LONP2: variants seen among roughly 807,000 people sequenced by gnomAD.
LONP2 encodes the protein lon peptidase 2, peroxisomal.
In LONP2, 60 loss-of-function variants were observed where a neutral mutation model predicts 85.6. That is an observed-to-expected ratio of 0.70 (90% CI 0.57 to 0.87). The LOEUF (loss-of-function observed/expected upper bound fraction) is 0.87. LONP2 is among the 40% of genes least tolerant of loss of function. LONP2 has a pLI of 0.00. For missense variants in LONP2, 860 were observed against 1,063.5 expected (o/e 0.81, Z 2.66); for synonymous variants, 395 against 389.7 (o/e 1.01, Z -0.16).
chr16:48,253,142 A>G (rs16946033), intron 2 of LONP2, among the ~76,000 whole-genome samples: 1,855 of 152,290 alleles, frequency 0.012, 38 homozygotes, highest in African/African-American at 0.042. Flanking sequence ...TTGAAGAGCC[A>G]TACTTACAGT....
chr16:48,279,290 G>A (rs1401400441), intron 8 of LONP2, among the ~76,000 whole-genome samples: 2 of 152,156 alleles, frequency 1.3e-5, no homozygotes, highest in Non-Finnish European at 2.9e-5. Flanking sequence ...TGGAGGCTAT[G>A]AGCATAGGAG....
chr16:48,333,174 G>T (rs923816069), intron 11 of LONP2, among the ~76,000 whole-genome samples: 1 of 151,846 alleles, frequency 6.6e-6, no homozygotes, highest in Non-Finnish European at 1.5e-5. Context: ...CACAGATTAC[G>T]TAATATTTTT....
rs976260380 is a variant in LONP2 at position 48,299,091 on chromosome 16, C to G, written c.1535-571C>G. Among the ~76,000 whole-genome samples the G allele has an allele frequency of 2.6e-5, 4 of 151,216 alleles. No homozygotes were observed. In the South Asian group the frequency reaches 8.4e-4, roughly 32 times the overall value. On this transcript the variant is annotated intron_variant, in intron 9 of 14. Coordinates refer to ENST00000285737, the MANE Select transcript of LONP2 (RefSeq NM_031490.5). ...GTTTTTAGTAGAGACAGGGTTTCGC[C>G]ATGTTGCCCAGGCTGGTCTCAAACT...
In LONP2 at chr16:48,259,667, G is replaced by A. The variant is rs569248394; in HGVS notation, c.723+927G>A. 2.9e-3 allele frequency among the ~76,000 whole-genome samples: 441 copies of A among 152,284 alleles called. 2 individuals are homozygous for A. The highest frequency in any genetic ancestry group is 3.2e-3 in the Non-Finnish European group (220 of 68,016). On this transcript the variant is annotated intron_variant, in intron 4 of 14. Coordinates refer to ENST00000285737, the MANE Select transcript of LONP2 (RefSeq NM_031490.5). ...GAGCAGAAGGGAAGAACTCCTCCCC[G>A]GTGGGACTAGAGAAGGGGCAGTCAA...
chr16:48,316,305 C>T (rs555346976), intron 11 of LONP2, among the ~76,000 whole-genome samples: 118 of 150,438 alleles, frequency 7.8e-4, no homozygotes, highest in African/African-American at 2.8e-3. Context: ...TGAGCCACCG[C>T]GCCCAGCCCA....
intron 7 of LONP2, among the ~76,000 whole-genome samples, chr16:48,270,720 GA>G (rs1309650777): frequency 6.6e-6 from 1 of 152,132 alleles, no homozygotes; most frequent in Non-Finnish European, 1.5e-5. Context: ...TTCCTCTTAT[GA>G]AGGTTGGTTT....
In LONP2 at chr16:48,296,099, A is replaced by G. The variant is rs1172083523; in HGVS notation, c.1468A>G (p.Thr490Ala). The change falls in exon 9 of 15, where the codon ACT becomes GCT. Residue 490 changes from threonine (T) to alanine (A), a missense_variant. By Grantham distance (58) the Thr-to-Ala change is moderately conservative. Around this residue, in one of 3 missense-constraint regions of LONP2, gnomAD observed 743 missense variants for 917.3 expected, o/e 0.81. Transcript: ENST00000285737. ...CCTTTCTCAAGTTCTTTTTATAGCT[A>G]CTGCCAACACCACTGCTACCATTCC... ...FDLSQVLFIA[T>A]ANTTATIPAA... 2 of 1,614,064 alleles carry G rather than the reference A, an allele frequency of 1.2e-6. No homozygotes were observed. The highest frequency in any genetic ancestry group is 1.3e-5 in the African/African-American group (1 of 74,938).
At chr16:48,299,598 A>G in intron 9 of LONP2, 64 bp from the exon 10 acceptor site, 1 of 1,555,920 alleles carries the variant, frequency 6.4e-7, no homozygotes, top group East Asian at 2.3e-5. Context: ...AAAAAACAAA[A>G]AACAAAGCAT....
At chr16:48,259,287 A>T (rs1033477252) in intron 4 of LONP2, among the ~76,000 whole-genome samples, 8 of 152,168 alleles carry the variant, frequency 5.3e-5, no homozygotes, top group South Asian at 2.1e-4. Flanking sequence ...TCTTTAACCC[A>T]TATATTATTT....
chr16:48,329,978 AG>A lies in LONP2; in HGVS notation c.1796-4237del, dbSNP rs111697333. On this transcript the variant is annotated intron_variant, in intron 11 of 14. Transcript: ENST00000285737. ...CCCTAAGGATAGATTGCTGCAAAAA[AG>A]AACCACTGAGTGTGAGACTGTAAAT... is the stretch of plus-strand genomic sequence containing the variant. 6.5e-3 allele frequency among the ~76,000 whole-genome samples: 983 copies of A among 152,376 alleles called. 10 individuals carry two copies. Among genetic ancestry groups the A allele is most frequent in the African/African-American group, 0.022 (934 of 41,586 alleles).
intron 1 of LONP2, 82 bp downstream of exon 1, chr16:48,244,703 G>A (rs1810087780): frequency 1.9e-6 from 2 of 1,034,238 alleles, no homozygotes; most frequent in South Asian, 2.6e-5. Flanking sequence ...CCTGCCTTGA[G>A]CGCGAGGCTC....
At position 48,297,076 on chromosome 16, in the gene LONP2, C is replaced by T. The variant is rs937557584; in HGVS notation, c.1534+911C>T. On this transcript the variant is annotated intron_variant, in intron 9 of 14. Coordinates refer to ENST00000285737, the MANE Select transcript of LONP2 (RefSeq NM_031490.5). The stretch of plus-strand genomic sequence containing the variant: ...AGGCTGGAGTGCAGTGGCACGATCT[C>T]GGCTCACTGCAGCCTCCGCCTCCGA... 1.1e-4 allele frequency among the ~76,000 whole-genome samples: 17 copies of T among 150,754 alleles called. No individual in the cohort carries two copies. In the East Asian group the frequency reaches 1.8e-3, roughly 16 times the overall value.
At chr16:48,270,483 G>A (rs1972081017) in intron 7 of LONP2, among the ~76,000 whole-genome samples, 1 of 152,202 alleles carries the variant, frequency 6.6e-6, no homozygotes, top group Non-Finnish European at 1.5e-5. Context: ...TTGTATGACA[G>A]TGGATACTAC....
chr16:48,347,809 C>A, intron 13 of LONP2, 95 bp downstream of exon 13: 1 of 1,182,184 alleles, frequency 8.5e-7, no homozygotes, highest in Non-Finnish European at 1.2e-6. Flanking sequence ...AGTTACACAT[C>A]TAGCAAAGTA....
chr16:48,361,740 T>C (rs1474161886), downstream of LONP2: 1 of 1,614,250 alleles, frequency 6.2e-7, no homozygotes, highest in African/African-American at 1.3e-5. Flanking sequence ...TCGTCGCCTA[T>C]GACCATTTAG....
chr16:48,320,586 A>G (rs1324194873), intron 11 of LONP2, among the ~76,000 whole-genome samples: 1 of 152,150 alleles, frequency 6.6e-6, no homozygotes, highest in Non-Finnish European at 1.5e-5. Flanking sequence ...ATTGCATTTG[A>G]TGGGATACTA....
intron 8 of LONP2, among the ~76,000 whole-genome samples, chr16:48,292,245 G>C (rs1490455172): frequency 6.6e-6 from 1 of 152,202 alleles, no homozygotes; most frequent in South Asian, 2.1e-4. Context: ...TGTCCTGTAT[G>C]TGTAAAGAAT....
At chr16:48,269,938 C>T in intron 6 of LONP2, 78 bp from the exon 7 acceptor site, 2 of 1,440,446 alleles carry the variant, frequency 1.4e-6, no homozygotes, top group Non-Finnish European at 1.9e-6. Flanking sequence ...AAATATTTTG[C>T]CCTCGTCATG....
At position 48,299,659 on chromosome 16, in the gene LONP2, C is replaced by T; in HGVS notation, c.1535-3C>T. 6.2e-7 allele frequency: 1 copy of T among 1,601,534 alleles called. No homozygotes were observed. The highest frequency in any genetic ancestry group is 8.5e-7 in the Non-Finnish European group (1 of 1,176,548). The stretch of plus-strand genomic sequence containing the variant: ...TTACAAAACAAGATCTCTTCTTTTC[C>T]AGGTTATACACAGGAGGAGAAGATA... On this transcript the variant is annotated splice_polypyrimidine_tract_variant and splice_region_variant and intron_variant, in intron 9 of 14. Coordinates refer to ENST00000285737, the MANE Select transcript of LONP2 (RefSeq NM_031490.5).
Sources: gnomAD v4.1 joint callset for allele counts (sites outside exome capture counted in the v4.1 genomes callset) on GRCh38, gnomAD v4.1.1 for gene constraint, gnomAD v4.1.1 regional missense constraint, MANE v1.5 for transcripts, NCBI Gene and HGNC (gene_info 2026-07-23, HGNC 2026-07-21) for gene names.